Variants in AP2A1 observed in about 807,000 individuals in gnomAD.
AP2A1 encodes the protein AP-2 complex subunit alpha-1.
AP2A1 carries 21 observed loss-of-function variants against 107.3 expected under a neutral mutation model. The observed-to-expected ratio is 0.20, with a 90% CI of 0.14 to 0.28. AP2A1 has a LOEUF of 0.28. AP2A1 is among the 10% of genes least tolerant of loss of function. The pLI is 1.00. For missense variants in AP2A1, 873 were observed against 1,307.7 expected, an observed-to-expected ratio of 0.67 and a Z score of 5.13; for synonymous variants, 602 against 564.8, an observed-to-expected ratio of 1.07 and a Z score of -0.93.
Position 49,801,763 on chromosome 19 carries a change from G to T in AP2A1, c.1827G>T (p.Glu609Asp). 1 of 1,568,324 alleles carries T rather than the reference G, an allele frequency of 6.4e-7. No individual in the cohort carries two copies. Among genetic ancestry groups the T allele is most frequent in the East Asian group, 2.3e-5 (1 of 42,624 alleles). The change falls in exon 14 of 23, where the codon GAG becomes GAT. Residue 609 changes from glutamate to aspartate, a missense_variant. Glu to Asp is a conservative substitution (Grantham distance 45). This residue lies in a region of AP2A1 where 416 missense variants were observed against 473.4 expected (regional missense o/e 0.88). Transcript: ENST00000354293. Reference sequence around the variant, plus strand: ...AGATGCCGCCCTTCCCCGAGCGCGAGTCGTCCATCCTGGCCAAGCTGAAAC... The same window carrying T: ...AGATGCCGCCCTTCCCCGAGCGCGATTCGTCCATCCTGGCCAAGCTGAAAC... ...LEEMPPFPERESSILAKLKRK... is the reference protein window; with the variant it reads ...LEEMPPFPERDSSILAKLKRK...
In AP2A1 at chr19:49,799,486, T is replaced by C; in HGVS notation, c.1125T>C (p.Asn375=). The change falls in exon 9 of 23, where the codon AAT becomes AAC. Residue 375 remains asparagine, a synonymous_variant. Transcript: ENST00000354293. ...AVKTHIDTVI[N]ALKTERDVSV... ...AGACGCACATTGACACCGTCATCAA[T>C]GCCCTCAAGGTGTGAGCCCTTGGAG... The C allele has an allele frequency of 1.9e-6, 3 of 1,611,442 alleles. No individual in the cohort carries two copies. Among genetic ancestry groups the C allele is most frequent in the Non-Finnish European group, 2.5e-6 (3 of 1,179,562 alleles).
At chr19:49,783,520 G>A (rs766650258) in intron 4 of AP2A1, among the ~76,000 whole-genome samples, 1 of 152,088 alleles carries the variant, frequency 6.6e-6, no homozygotes, top group Non-Finnish European at 1.5e-5. Context: ...CTAGATACCC[G>A]ACTCATGTTC....
chr19:49,778,556 C>G (rs1221456767), intron 1 of AP2A1, among the ~76,000 whole-genome samples: 2 of 152,100 alleles, frequency 1.3e-5, no homozygotes, highest in African/African-American at 2.4e-5. Context: ...GCTCTCCAGC[C>G]TGGGCGACAA....
chr19:49,784,921 T>G (rs542662124), intron 4 of AP2A1, among the ~76,000 whole-genome samples: 6 of 152,168 alleles, frequency 3.9e-5, no homozygotes, highest in Admixed American at 3.3e-4. Flanking sequence ...ACATTAAAAA[T>G]TAGGTGTCTG....
At position 49,788,944 on chromosome 19, in the gene AP2A1, G is replaced by A. The variant is rs1450133067; in HGVS notation, c.474-2991G>A. On this transcript the variant is annotated intron_variant, in intron 4 of 22. Transcript: ENST00000354293. The surrounding 1 kb of genome is among the most constrained non-coding windows in gnomAD (Gnocchi z 4.5). Reference sequence around the variant, plus strand: ...CACAGCAGTGGCCTTTCTAGACAGAGGAAGCCCAGAGCCTCTCCAGAGGGC... The same window carrying A: ...CACAGCAGTGGCCTTTCTAGACAGAAGAAGCCCAGAGCCTCTCCAGAGGGC... Among the ~76,000 whole-genome samples, 2 of 152,226 alleles carry A rather than the reference G, an allele frequency of 1.3e-5. No homozygotes were observed. The highest frequency in any genetic ancestry group is 2.9e-5 in the Non-Finnish European group (2 of 68,034).
In AP2A1 at chr19:49,805,860, C is replaced by T. The variant is rs2073368758; in HGVS notation, c.2586-12C>T. 6.2e-7 allele frequency: 1 copy of T among 1,613,656 alleles called. No homozygotes were observed. The highest frequency in any genetic ancestry group is 8.5e-7 in the Non-Finnish European group (1 of 1,179,882). ...CGTCCAGGTCCCTGACTTGAACCTT[C>T]CCGGTCCCCAGCCCTCAACAGGAGG... On this transcript the variant is annotated splice_polypyrimidine_tract_variant and intron_variant, in intron 20 of 22. Transcript: ENST00000354293.
At chr19:49,798,033 C>T (rs1323941643) in intron 7 of AP2A1, among the ~76,000 whole-genome samples, 1 of 152,218 alleles carries the variant, frequency 6.6e-6, no homozygotes, top group East Asian at 1.9e-4. Flanking sequence ...ATGGTGGCGA[C>T]TGGGCTCATT....
At chr19:49,787,592 A>G (rs11669608) in intron 4 of AP2A1, among the ~76,000 whole-genome samples, 75,562 of 149,236 alleles carry the variant, frequency 0.51, 19,326 homozygotes, top group South Asian at 0.65. Context: ...CTATTGATCC[A>G]TCTGCCTCAG....
Position 49,806,752 on chromosome 19 carries a change from G to A in AP2A1, c.2862G>A (p.Gln954=). The change falls in exon 23 of 23, where the codon CAG becomes CAA. Residue 954 remains glutamine, a synonymous_variant. Transcript: ENST00000354293. ...SRHLCELLAQ[Q]F is the part of the protein sequence containing the mutation. Reference sequence around the variant, plus strand: ...ACCTGTGTGAGCTGCTGGCACAGCAGTTCTGAGCCCTGGACTCTGCCCCGG... The same window carrying A: ...ACCTGTGTGAGCTGCTGGCACAGCAATTCTGAGCCCTGGACTCTGCCCCGG... 1 of 1,613,840 alleles carries A rather than the reference G, an allele frequency of 6.2e-7. No homozygotes were observed. Among genetic ancestry groups the A allele is most frequent in the Non-Finnish European group, 8.5e-7 (1 of 1,179,892 alleles).
At chr19:49,793,185 GC>G in intron 6 of AP2A1, 93 bp downstream of exon 6, 1 of 1,198,518 alleles carries the variant, frequency 8.3e-7, no homozygotes, top group Non-Finnish European at 1.2e-6. Flanking sequence ...CTGAGAGGCA[GC>G]CCAGCCCAAG....
intron 4 of AP2A1, among the ~76,000 whole-genome samples, chr19:49,789,433 G>A (rs2073114996): frequency 6.6e-6 from 1 of 152,104 alleles, no homozygotes; most frequent in African/African-American, 2.4e-5. Context: ...TAGGATTTCA[G>A]GCACGTGCCA....
chr19:49,785,746 G>A lies in AP2A1; in HGVS notation c.473+3022G>A, dbSNP rs575065052. On this transcript the variant is annotated intron_variant, in intron 4 of 22. Coordinates refer to ENST00000354293, the MANE Select transcript of AP2A1 (RefSeq NM_130787.3). This position sits in a 1 kb window ranked among gnomAD's most constrained non-coding sequence, Gnocchi z 4.1. ...AGCTTGGCCAACGTGGTGAAGCCCCGTCTCTACTAAAAATACAAAAATTAG... is the reference window on the plus strand; with the variant it reads ...AGCTTGGCCAACGTGGTGAAGCCCCATCTCTACTAAAAATACAAAAATTAG... Among the ~76,000 whole-genome samples the A allele has an allele frequency of 5.9e-5, 9 of 152,096 alleles. No homozygotes were observed. The highest frequency in any genetic ancestry group is 3.9e-4 in the East Asian group (2 of 5,176).
In AP2A1 at chr19:49,785,786, G is replaced by A. The variant is rs1208118617; in HGVS notation, c.473+3062G>A. ...ACAAAAATTAGTCAGGTGTGGTGGC[G>A]GGCACCTGTAATCCCAGCTACTTGG... On this transcript the variant is annotated intron_variant, in intron 4 of 22. Coordinates refer to ENST00000354293, the MANE Select transcript of AP2A1 (RefSeq NM_130787.3). This position sits in a 1 kb window ranked among gnomAD's most constrained non-coding sequence, Gnocchi z 4.1. Among the ~76,000 whole-genome samples the A allele has an allele frequency of 6.6e-6, 1 of 151,960 alleles. No homozygotes were observed. The highest frequency in any genetic ancestry group is 2.4e-5 in the African/African-American group (1 of 41,356).
rs1348128671 is a variant in AP2A1 at position 49,800,049 on chromosome 19, A to G, written c.1354A>G (p.Ile452Val). 13 of 1,613,904 alleles carry G rather than the reference A, an allele frequency of 8.1e-6. No homozygotes were observed. The highest frequency in any genetic ancestry group is 1.1e-5 in the Non-Finnish European group (13 of 1,179,884). ...YVDTILNLIR[I>V]AGDYVSEEVW... ...GGACACCATCCTCAACCTCATCCGCATTGCGGGCGACTACGTGAGTGAGGA... is the reference window on the plus strand; with the variant it reads ...GGACACCATCCTCAACCTCATCCGCGTTGCGGGCGACTACGTGAGTGAGGA... Residue 452 changes from isoleucine to valine, a missense_variant, in exon 11 of 23, where the codon ATT (isoleucine) becomes GTT (valine). This residue lies in a region of AP2A1 where 213 missense variants were observed against 443.5 expected (regional missense o/e 0.48). Transcript: ENST00000354293.
At chr19:49,795,988 T>C in intron 7 of AP2A1, 1 of 522,110 alleles carries the variant, frequency 1.9e-6, no homozygotes, top group Non-Finnish European at 3.5e-6. Context: ...GGGCTCTCAC[T>C]CCAGCCCTGT....
chr19:49,786,219 A>G (rs2084734985), intron 4 of AP2A1, among the ~76,000 whole-genome samples: 1 of 152,178 alleles, frequency 6.6e-6, no homozygotes, highest in Admixed American at 6.5e-5. Context: ...GGTGACAGTG[A>G]CACCCTGTCT....
chr19:49,790,146 G>C (rs888110018), intron 4 of AP2A1, among the ~76,000 whole-genome samples: 1 of 152,144 alleles, frequency 6.6e-6, no homozygotes. Flanking sequence ...GGCAGGGCTC[G>C]TCCCTTCCGG....
Position 49,781,668 on chromosome 19 carries a change from C to T in AP2A1, c.68-89C>T, listed in dbSNP as rs902937931. 6.7e-6 allele frequency: 9 copies of T among 1,341,934 alleles called. No homozygotes were observed. The Admixed American group carries it at 1.8e-4, about 27-fold the overall frequency. 83.1% of individuals were successfully genotyped at this position (1,341,934 alleles called of 1,614,324 possible). A position where few individuals can be genotyped will look rare whatever the true frequency, so the allele number is the denominator to read the frequency against. ...TTGGGGGCGGAGAAGATCTGCCCTT[C>T]CTGCTGGGTGGGGCCGCGCCTAGGA... On this transcript the variant is annotated intron_variant, in intron 1 of 22. Transcript: ENST00000354293.
At position 49,801,963 on chromosome 19, in the gene AP2A1, G is replaced by T; in HGVS notation, c.1954-18G>T. ...GCCGGGCGCCGCCTGTCCTCACCGT[G>T]ACCTGCGCTTCCTACAGTCGACGCC... On this transcript the variant is annotated intron_variant, in intron 14 of 22. Transcript: ENST00000354293. 6.8e-7 allele frequency: 1 copy of T among 1,478,968 alleles called. No homozygotes were observed. 91.6% of individuals were successfully genotyped at this position (1,478,968 alleles called of 1,614,324 possible). A position where few individuals can be genotyped will look rare whatever the true frequency, so the allele number is the denominator to read the frequency against.
Sources: allele counts gnomAD v4.1 joint callset (sites outside exome capture counted in the v4.1 genomes callset), GRCh38; gene constraint gnomAD v4.1.1; regional missense constraint gnomAD v4.1.1; non-coding constraint Gnocchi (gnomAD v3.1); transcripts MANE v1.5; gene names NCBI Gene and HGNC (gene_info 2026-07-23, HGNC 2026-07-21).